Variants in MED13 observed in about 807,000 individuals in gnomAD.
MED13 encodes mediator complex subunit 13, also known as mediator of RNA polymerase II transcription subunit 13.
Under a neutral mutation model 225.2 loss-of-function variants are expected in MED13, and 23 were observed. The observed-to-expected ratio is 0.10, with a 90% CI of 0.07 to 0.14. The LOEUF is 0.14. MED13 is among the 10% of genes least tolerant of loss of function. The pLI is 1.00. For missense variants in MED13, 2,197 were observed against 2,594.5 expected, an observed-to-expected ratio of 0.85 and a Z score of 3.33; for synonymous variants, 942 against 889.2, an observed-to-expected ratio of 1.06 and a Z score of -1.06.
chr17:62,001,716 C>T (rs1023781011), intron 9 of MED13, among the ~76,000 whole-genome samples: 2 of 152,150 alleles, frequency 1.3e-5, no homozygotes, highest in Non-Finnish European at 2.9e-5. Flanking sequence ...CACTCTGTGT[C>T]TGTACTATAT....
Position 61,961,394 on chromosome 17 carries a change from C to T in MED13, c.5256+194G>A, listed in dbSNP as rs547691927. Among the ~76,000 whole-genome samples the T allele has an allele frequency of 8.0e-4, 122 of 152,010 alleles. 1 individual carries two copies. The highest frequency in any genetic ancestry group is 2.8e-3 in the African/African-American group (116 of 41,458). On this transcript the variant is annotated intron_variant, in intron 22 of 29. Coordinates refer to ENST00000397786, the MANE Select transcript of MED13 (RefSeq NM_005121.3). ...AATTAGCTGGGCAAGGTGGCGCATG[C>T]CTGTAATCCCAGCTACTCAGGAGGC...
At chr17:62,030,931 T>G (rs1317413777) in intron 6 of MED13, 1 of 152,234 alleles carries the variant, frequency 6.6e-6, no homozygotes, top group Admixed American at 6.5e-5. Flanking sequence ...AAAGCTTGGG[T>G]TTATTTTTGT....
Position 61,946,481 on chromosome 17 carries a change from A to G in MED13, c.6512T>C (p.Met2171Thr). The G allele has an allele frequency of 3.1e-6, 5 of 1,613,626 alleles. No homozygotes were observed. The highest frequency in any genetic ancestry group is 1.3e-5 in the African/African-American group (1 of 75,038). The change falls in exon 30 of 30, where the codon ATG (methionine) becomes ACG (threonine). Residue 2171 changes from methionine (M) to threonine (T), a missense_variant. Met to Thr is a moderately conservative substitution (Grantham distance 81). Transcript: ENST00000397786. ...ATCAAATGAAGATCACAGCATATTC[A>G]TAATAAAGTTATATAACTGATTCAG... ...VVLNQLYNFIMNML is the reference protein window; with the variant it reads ...VVLNQLYNFITNML
chr17:61,954,004 A>T (rs2079919159), intron 26 of MED13, among the ~76,000 whole-genome samples: 1 of 152,212 alleles, frequency 6.6e-6, no homozygotes, highest in African/African-American at 2.4e-5. Flanking sequence ...GAATATTAGA[A>T]CAATTATAGC....
intron 9 of MED13, among the ~76,000 whole-genome samples, chr17:61,999,901 T>TA (rs548869007): frequency 7.1e-4 from 107 of 150,544 alleles, no homozygotes; most frequent in East Asian, 2.3e-3. Context: ...AAATCCTGGC[T>TA]AAAAAAAAAT....
At chr17:61,964,439 C>T (rs1231667075) in intron 20 of MED13, among the ~76,000 whole-genome samples, 2 of 152,054 alleles carry the variant, frequency 1.3e-5, no homozygotes, top group Non-Finnish European at 2.9e-5. Flanking sequence ...TGGTGCATGC[C>T]TGTAAGTCCC....
chr17:62,048,548 T>C (rs1166366600), intron 3 of MED13, among the ~76,000 whole-genome samples: 4 of 151,850 alleles, frequency 2.6e-5, no homozygotes, highest in African/African-American at 9.7e-5. Flanking sequence ...GGACTCAGAA[T>C]TAGAGATATT....
At chr17:62,048,104 G>C (rs2080918741) in intron 3 of MED13, among the ~76,000 whole-genome samples, 1 of 146,112 alleles carries the variant, frequency 6.8e-6, no homozygotes, top group South Asian at 2.1e-4. Flanking sequence ...GGATATATAG[G>C]TGTAACTGAA....
In MED13 at chr17:62,033,940, C is replaced by T. The variant is rs769847947; in HGVS notation, c.661G>A (p.Ala221Thr). The T allele has an allele frequency of 6.2e-7, 1 of 1,613,936 alleles. No individual in the cohort carries two copies. Among genetic ancestry groups the T allele is most frequent in the African/African-American group, 1.3e-5 (1 of 74,904 alleles). ...GTAGCTGAATCAGACATCTTGAATG[C>T]CTGTCCTGTGAGAGTGCCATTTAGT... Reference protein sequence around the residue: ...FGLNGTLTGQAFKMSDSATKK... With the variant: ...FGLNGTLTGQTFKMSDSATKK... The change falls in exon 5 of 30, where the codon GCA (alanine) becomes ACA (threonine). Residue 221 changes from alanine to threonine, a missense_variant. By Grantham distance (58) the Ala-to-Thr change is moderately conservative (BLOSUM62 0). Transcript: ENST00000397786.
chr17:62,048,064 G>A (rs7208678), intron 3 of MED13, among the ~76,000 whole-genome samples: 19,197 of 110,580 alleles, frequency 0.17, 1,645 homozygotes, highest in East Asian at 0.52. Context: ...ATATATATAT[G>A]TATATATGTA....
chr17:62,062,963 T>C (rs1603410924), intron 2 of MED13, 104 bp downstream of exon 2: 1 of 776,800 alleles, frequency 1.3e-6, no homozygotes, highest in Non-Finnish European at 2.0e-6. Flanking sequence ...TCTGGCCTCC[T>C]AAGTCTCCCA....
chr17:61,996,645 C>A (rs1272429315), intron 9 of MED13, among the ~76,000 whole-genome samples: 1 of 152,134 alleles, frequency 6.6e-6, no homozygotes, highest in Non-Finnish European at 1.5e-5. Context: ...CAAGTCTTTG[C>A]TTAAATGTCA....
chr17:61,990,627 G>GTGTATATATATA (rs906431943), intron 11 of MED13, among the ~76,000 whole-genome samples: 9 of 139,002 alleles, frequency 6.5e-5, no homozygotes, highest in African/African-American at 2.2e-4. Context: ...GGCGCACTGT[G>GTGTATATATATA]TATATATATA....
chr17:62,038,019 C>T (rs2080820853), intron 3 of MED13, among the ~76,000 whole-genome samples: 1 of 140,482 alleles, frequency 7.1e-6, no homozygotes, highest in Admixed American at 7.2e-5. Context: ...ATTTTATAAC[C>T]TTTTATCTAC....
chr17:61,980,961 T>G (rs908010100), intron 16 of MED13, among the ~76,000 whole-genome samples: 3 of 151,886 alleles, frequency 2.0e-5, no homozygotes, highest in African/African-American at 7.3e-5. Context: ...CCTGGCCTCA[T>G]GATCTGCCCA....
Position 62,031,607 on chromosome 17 carries a change from A to G in MED13, c.846T>C (p.Phe282=). 1 of 1,612,142 alleles carries G rather than the reference A, an allele frequency of 6.2e-7. No homozygotes were observed. The highest frequency in any genetic ancestry group is 8.5e-7 in the Non-Finnish European group (1 of 1,179,148). Residue 282 remains phenylalanine, a synonymous_variant, in exon 6 of 30, where the codon TTT becomes TTC. Transcript: ENST00000397786. The stretch of plus-strand genomic sequence containing the variant: ...GAATGTCTGACTGAGGGACTAGAAC[A>G]AAGCATGCTGGGTAGATCATTCGGA... The part of the protein sequence containing the change: ...AGVRMIYPAC[F]VLVPQSDIPT...
chr17:62,021,328 C>A lies in MED13; in HGVS notation c.1283+8213G>T, dbSNP rs577464602. Among the ~76,000 whole-genome samples the A allele has an allele frequency of 2.5e-3, 376 of 147,458 alleles. 1 individual carries two copies. Among genetic ancestry groups the A allele is most frequent in the Non-Finnish European group, 4.3e-3 (281 of 65,498 alleles). On this transcript the variant is annotated intron_variant, in intron 8 of 29. Transcript: ENST00000397786. The stretch of plus-strand genomic sequence containing the variant: ...TGGCCGGGCGGGGGGCTGACCCCCC[C>A]ACCTCCCTCCCGGACAGGGTGGCTG...
intron 8 of MED13, among the ~76,000 whole-genome samples, chr17:62,020,140 T>C (rs1005409986): frequency 7.2e-5 from 11 of 152,094 alleles, no homozygotes; most frequent in Non-Finnish European, 1.6e-4. Context: ...AGTAATCCTT[T>C]TAGATTATTT....
At chr17:62,049,078 C>CAAAAAAAAAAAAAAAAAAAAACAAAA (rs890393330) in intron 3 of MED13, among the ~76,000 whole-genome samples, 1 of 45,330 alleles carries the variant, frequency 2.2e-5, no homozygotes, top group Non-Finnish European at 4.2e-5. Context: ...GTAAATAAGA[C>CAAAAAAAAAAAAAAAAAAAAACAAAA]AAAAAAAAAA....
Sources: allele counts gnomAD v4.1 joint callset (sites outside exome capture counted in the v4.1 genomes callset), GRCh38; gene constraint gnomAD v4.1.1; transcripts MANE v1.5; gene names NCBI Gene and HGNC (gene_info 2026-07-23, HGNC 2026-07-21).